SLC19A3: variants seen among roughly 807,000 people sequenced by gnomAD.
The protein encoded by SLC19A3 is thiamine transporter 2.
A neutral mutation model predicts 40.2 loss-of-function variants in SLC19A3; 31 were observed. The observed-to-expected ratio is 0.77, with a 90% CI of 0.58 to 1.04. The LOEUF is 1.04. Ranked by LOEUF, SLC19A3 falls within the 50% of genes least tolerant of loss-of-function variation. The pLI is 0.00. For missense variants in SLC19A3, 592 were observed against 596.7 expected (o/e 0.99, Z 0.08); for synonymous variants, 212 against 227.5 (o/e 0.93, Z 0.61).
chr2:227,690,878 A>G (rs1695201396), intron 4 of SLC19A3, among the ~76,000 whole-genome samples: 1 of 152,086 alleles, frequency 6.6e-6, no homozygotes, highest in Admixed American at 6.6e-5. Flanking sequence ...AGAGAAAATC[A>G]ATAAAGAAAC....
intron 1 of SLC19A3, among the ~76,000 whole-genome samples, chr2:227,706,090 C>G (rs937956412): frequency 6.6e-6 from 1 of 151,940 alleles, no homozygotes; most frequent in Non-Finnish European, 1.5e-5. Context: ...AATATGAACA[C>G]ATGTCCCTTA....
rs2106315976 is a variant in SLC19A3 at position 227,686,238 on chromosome 2, C to T, written c.*1159G>A. The T allele has an allele frequency of 2.7e-6, 1 of 370,412 alleles. No individual in the cohort carries two copies. Among genetic ancestry groups the T allele is most frequent in the East Asian group, 9.0e-5 (1 of 11,164 alleles). The allele number at this position is 370,412 out of a possible 1,614,324, so 22.9% of individuals were successfully genotyped here. Reference sequence around the variant, plus strand: ...AAATCAGGTGTTTTATTCCACTCCCCCCATCAGTGTTTTCTTATTTCTAAT... The same window carrying T: ...AAATCAGGTGTTTTATTCCACTCCCTCCATCAGTGTTTTCTTATTTCTAAT... On this transcript the variant is annotated 3_prime_UTR_variant, in exon 6 of 6. Transcript: ENST00000644224.
At chr2:227,690,101 A>C (rs1391837173) in intron 4 of SLC19A3, among the ~76,000 whole-genome samples, 3 of 152,224 alleles carry the variant, frequency 2.0e-5, no homozygotes, top group African/African-American at 4.8e-5. Flanking sequence ...CTGCAAAACC[A>C]GAAAAGAAAT....
At chr2:227,693,876 G>GA (rs1695327614) in intron 4 of SLC19A3, among the ~76,000 whole-genome samples, 1 of 151,782 alleles carries the variant, frequency 6.6e-6, no homozygotes, top group Admixed American at 6.6e-5. Flanking sequence ...ACTCTACAGG[G>GA]AAAAAAAGTC....
intron 2 of SLC19A3, chr2:227,701,072 T>A: frequency 1.5e-6 from 2 of 1,303,868 alleles, no homozygotes; most frequent in Non-Finnish European, 2.0e-6. Context: ...TGACCCTGCA[T>A]CTGTCCTTTG....
At chr2:227,690,752 G>A (rs991143296) in intron 4 of SLC19A3, among the ~76,000 whole-genome samples, 1 of 139,926 alleles carries the variant, frequency 7.1e-6, no homozygotes, top group Non-Finnish European at 1.5e-5. Context: ...TTTTTTTAAC[G>A]TATGGAGCAC....
At chr2:227,700,872 G>C in intron 2 of SLC19A3, 3 of 1,240,726 alleles carry the variant, frequency 2.4e-6, no homozygotes, top group Non-Finnish European at 3.2e-6. Flanking sequence ...CTGTAGGGAT[G>C]GGTGAGTGCC....
At chr2:227,696,287 G>T (rs986051362) in intron 3 of SLC19A3, among the ~76,000 whole-genome samples, 1 of 151,942 alleles carries the variant, frequency 6.6e-6, no homozygotes, top group Non-Finnish European at 1.5e-5. Context: ...CTATTCTTTC[G>T]GTCACTTAGT....
At chr2:227,693,816 T>C (rs1164017168) in intron 4 of SLC19A3, among the ~76,000 whole-genome samples, 1 of 151,868 alleles carries the variant, frequency 6.6e-6, no homozygotes, top group East Asian at 1.9e-4. Flanking sequence ...ATTTGCAAAC[T>C]ACCCATGTGA....
At chr2:227,698,536 T>C (rs1695531530) in intron 3 of SLC19A3, among the ~76,000 whole-genome samples, 200 bp downstream of exon 3, 1 of 152,074 alleles carries the variant, frequency 6.6e-6, no homozygotes, top group South Asian at 2.1e-4. Flanking sequence ...CCTGAAATCG[T>C]GATCCACGCG....
chr2:227,717,847 C>T, intron 1 of SLC19A3, 96 bp downstream of exon 1: 1 of 942,200 alleles, frequency 1.1e-6, no homozygotes, highest in Non-Finnish European at 1.3e-6. Context: ...GGAACCCGCC[C>T]CCAGCTCTCC....
chr2:227,690,706 C>CAAAAAAA (rs34163746), intron 4 of SLC19A3, among the ~76,000 whole-genome samples: 3 of 39,166 alleles, frequency 7.7e-5, no homozygotes, highest in African/African-American at 2.9e-4. Context: ...GACTCCATCT[C>CAAAAAAA]AAAAAAAAAA....
intron 4 of SLC19A3, among the ~76,000 whole-genome samples, chr2:227,692,573 G>A (rs1004839937): frequency 7.9e-5 from 12 of 152,180 alleles, no homozygotes; most frequent in African/African-American, 2.2e-4. Flanking sequence ...AGCCATATAT[G>A]ACAGACCTAC....
At chr2:227,700,576 C>T (rs1695647555) in intron 2 of SLC19A3, among the ~76,000 whole-genome samples, 3 of 152,132 alleles carry the variant, frequency 2.0e-5, no homozygotes, top group Admixed American at 1.3e-4. Flanking sequence ...CCTTTATTTT[C>T]ATGTGATCTA....
rs561900990 is a variant in SLC19A3 at position 227,690,279 on chromosome 2, G to A, written c.1173-1972C>T. Among the ~76,000 whole-genome samples, 21 of 152,260 alleles carry A rather than the reference G, an allele frequency of 1.4e-4. No homozygotes were observed. In the East Asian group the frequency reaches 3.9e-3, roughly 28 times the overall value. On this transcript the variant is annotated intron_variant, in intron 4 of 5. Transcript: ENST00000644224. ...GAAGGGATGGACAAAGATATGCCATGCCAATGGAAACAAACAAAAAAAGAG... is the reference window on the plus strand; with the variant it reads ...GAAGGGATGGACAAAGATATGCCATACCAATGGAAACAAACAAAAAAAGAG...
rs1186338174 is a variant in SLC19A3, at chr2:227,703,498, G to T, written c.-2-1178C>A. Among the ~76,000 whole-genome samples, 1 of 152,182 alleles carries T rather than the reference G, an allele frequency of 6.6e-6. No homozygotes were observed. The highest frequency in any genetic ancestry group is 1.9e-4 in the East Asian group (1 of 5,194). On this transcript the variant is annotated intron_variant, in intron 1 of 5. Coordinates refer to ENST00000644224, the MANE Select transcript of SLC19A3 (RefSeq NM_025243.4). This position sits in a 1 kb window ranked among gnomAD's most constrained non-coding sequence, Gnocchi z 4.7. ...CAACAAAGCCCTTGATTAAGCAGTG[G>T]AGAGACAAGAGCGATCAGATTTTGA...
Position 227,687,165 on chromosome 2 carries a change from C to T in SLC19A3, c.*232G>A, listed in dbSNP as rs934479506. On this transcript the variant is annotated 3_prime_UTR_variant, in exon 6 of 6. Transcript: ENST00000644224. ...CAGCTGCTACTAGTCACAGGGGGTC[C>T]CCAATATGGGTTGTTTAATTATGAT... The T allele has an allele frequency of 4.7e-6, 2 of 429,458 alleles. No individual in the cohort carries two copies. Among genetic ancestry groups the T allele is most frequent in the Admixed American group, 8.0e-5 (2 of 24,964 alleles). 26.6% of individuals were successfully genotyped at this position (429,458 alleles called of 1,614,324 possible). A position where few individuals can be genotyped will look rare whatever the true frequency, so the allele number is the denominator to read the frequency against.
At chr2:227,688,423 G>A in intron 4 of SLC19A3, 116 bp from the exon 5 acceptor site, 1 of 850,448 alleles carries the variant, frequency 1.2e-6, no homozygotes, top group Non-Finnish European at 1.9e-6. Flanking sequence ...GCTCCAGGTA[G>A]TCCAGCAAAG....
At chr2:227,690,347 C>A (rs1695173369) in intron 4 of SLC19A3, among the ~76,000 whole-genome samples, 1 of 152,042 alleles carries the variant, frequency 6.6e-6, no homozygotes, top group South Asian at 2.1e-4. Flanking sequence ...CATTTCAAGA[C>A]AGAAACTGTA....
Sources: allele counts gnomAD v4.1 joint callset (sites outside exome capture counted in the v4.1 genomes callset), GRCh38; gene constraint gnomAD v4.1.1; non-coding constraint Gnocchi (gnomAD v3.1); transcripts MANE v1.5; gene names NCBI Gene and HGNC (gene_info 2026-07-23, HGNC 2026-07-21).